Variants in ABCC3 observed in about 807,000 individuals in gnomAD.
ABCC3 encodes ATP binding cassette subfamily C member 3, also known as ATP-binding cassette sub-family C member 3.
In ABCC3, 121 loss-of-function variants were observed where a neutral mutation model predicts 165.3. That is an observed-to-expected ratio of 0.73 (90% confidence interval 0.63 to 0.85). ABCC3 has a LOEUF of 0.85. Ranked by LOEUF, ABCC3 falls within the 40% of genes least tolerant of loss-of-function variation. The pLI is 0.00. For synonymous variants in ABCC3, 733 were observed against 810.1 expected (o/e 0.90, Z 1.62); for missense variants, 1,869 against 1,964.1 (o/e 0.95, Z 0.92).
At chr17:50,671,448 G>T (rs187199301) in intron 17 of ABCC3, among the ~76,000 whole-genome samples, 1 of 151,922 alleles carries the variant, frequency 6.6e-6, no homozygotes, top group African/African-American at 2.4e-5. Context: ...TCTATTTTCT[G>T]TTCCTAGGAA....
At chr17:50,688,141 C>T (rs1045274531) in intron 30 of ABCC3, among the ~76,000 whole-genome samples, 3 of 151,954 alleles carry the variant, frequency 2.0e-5, no homozygotes, top group Non-Finnish European at 4.4e-5. Context: ...AACTCCTGAC[C>T]TCAAGTGATC....
At chr17:50,659,397 A>T in intron 7 of ABCC3, 29 bp downstream of exon 7, 2 of 1,591,062 alleles carry the variant, frequency 1.3e-6, no homozygotes, top group Non-Finnish European at 1.7e-6. Flanking sequence ...CCCAACACCC[A>T]GCCCCTTCGC....
In ABCC3 at chr17:50,657,156, C is replaced by T. The variant is rs771283742; in HGVS notation, c.459C>T (p.Arg153=). ...TGGTCTGCGCCATCGTCCCATTCCG[C>T]TCCAAGATCCTTTTAGCCAAGGCAG... The part of the protein sequence containing the change: ...LCVVCAIVPF[R]SKILLAKAEG... The change falls in exon 4 of 31, where the codon CGC becomes CGT. Residue 153 remains arginine (R), a synonymous_variant. Coordinates refer to ENST00000285238, the MANE Select transcript of ABCC3 (RefSeq NM_003786.4). 1 of 1,614,144 alleles carries T rather than the reference C, an allele frequency of 6.2e-7. No homozygotes were observed. Among genetic ancestry groups the T allele is most frequent in the Admixed American group, 1.7e-5 (1 of 60,016 alleles).
chr17:50,662,945 G>A (rs894813800), intron 8 of ABCC3, among the ~76,000 whole-genome samples: 2 of 152,098 alleles, frequency 1.3e-5, no homozygotes, highest in African/African-American at 2.4e-5. Flanking sequence ...GAAGCTCAGC[G>A]GCAAAGGGGG....
intron 29 of ABCC3, among the ~76,000 whole-genome samples, 194 bp downstream of exon 29, chr17:50,685,069 C>G (rs1159336673): frequency 1.3e-5 from 2 of 152,168 alleles, no homozygotes; most frequent in Non-Finnish European, 2.9e-5. Context: ...CAAGCCCCAG[C>G]GGTGGTCCAT....
chr17:50,673,803 T>A (rs12451302), intron 19 of ABCC3, 145 bp downstream of exon 19: 1 of 733,524 alleles, frequency 1.4e-6, no homozygotes, highest in Non-Finnish European at 2.2e-6. Context: ...TCACCAGAGG[T>A]AAAGTAAACT....
chr17:50,676,622 G>T, intron 23 of ABCC3, 34 bp downstream of exon 23: 1 of 1,223,346 alleles, frequency 8.2e-7, no homozygotes, highest in South Asian at 1.3e-5. Flanking sequence ...TGTGGGCGTG[G>T]TGTTATTGGG....
intron 5 of ABCC3, 51 bp downstream of exon 5, chr17:50,658,258 A>G (rs1175464253): frequency 1.2e-6 from 2 of 1,613,254 alleles, no homozygotes; most frequent in Non-Finnish European, 1.7e-6. Flanking sequence ...TCCTCAGCCC[A>G]ACTCTGACCA....
Position 50,687,411 on chromosome 17 carries a change from A to T in ABCC3, c.4281-125A>T, listed in dbSNP as rs985235301. ...CCGTTCTGGAGGGCTGGGCTGTGGC[A>T]GAAATGGGAGAAGTCAGACAGAAAA... On this transcript the variant is annotated intron_variant, in intron 29 of 30. Transcript: ENST00000285238. 49 of 906,376 alleles carry T rather than the reference A, an allele frequency of 5.4e-5. No homozygotes were observed. In the African/African-American group the frequency reaches 6.1e-4, roughly 11 times the overall value. The allele number at this position is 906,376 out of a possible 1,614,324, so 56.1% of individuals were successfully genotyped here.
At chr17:50,667,464 T>C (rs776804576) in intron 11 of ABCC3, 90 bp from the exon 12 acceptor site, 68 of 1,168,178 alleles carry the variant, frequency 5.8e-5, no homozygotes, top group Middle Eastern at 2.8e-4. Flanking sequence ...ATGGCTGCAA[T>C]GGATGAGAAT....
intron 1 of ABCC3, among the ~76,000 whole-genome samples, chr17:50,644,310 CAAAAA>C (rs57937379): frequency 3.9e-5 from 2 of 51,264 alleles, no homozygotes; most frequent in African/African-American, 1.5e-4. Flanking sequence ...GACTCCGTCT[CAAAAA>C]AAAAAAAAAA....
intron 30 of ABCC3, among the ~76,000 whole-genome samples, chr17:50,690,186 G>T (rs192149850): frequency 5.1e-4 from 78 of 152,328 alleles, no homozygotes; most frequent in Non-Finnish European, 2.4e-4. Flanking sequence ...AGGCTGGAGT[G>T]CGTGGGAGGG....
At position 50,647,288 on chromosome 17, in the gene ABCC3, G is replaced by A. The variant is rs949738777; in HGVS notation, c.46-8544G>A. 3.9e-5 allele frequency among the ~76,000 whole-genome samples: 6 copies of A among 152,344 alleles called. No individual in the cohort carries two copies. The East Asian group carries it at 1.2e-3, about 29-fold the overall frequency. Reference sequence around the variant, plus strand: ...CTATGCTTCCATCAAGAATCAATAGGACCTATGTCCCTACAGGTGTCAGGG... The same window carrying A: ...CTATGCTTCCATCAAGAATCAATAGAACCTATGTCCCTACAGGTGTCAGGG... On this transcript the variant is annotated intron_variant, in intron 1 of 30. Coordinates refer to ENST00000285238, the MANE Select transcript of ABCC3 (RefSeq NM_003786.4).
At chr17:50,689,249 C>G (rs972881443) in intron 30 of ABCC3, among the ~76,000 whole-genome samples, 2 of 152,226 alleles carry the variant, frequency 1.3e-5, no homozygotes, top group Non-Finnish European at 2.9e-5. Context: ...ATGACAGTGT[C>G]CTCCCCAGCC....
chr17:50,635,304 C>T, intron 1 of ABCC3: 1 of 627,620 alleles, frequency 1.6e-6, no homozygotes, highest in East Asian at 2.7e-5. Context: ...CATCCCAGCC[C>T]CTCCGTCGGG....
At chr17:50,673,998 C>T (rs1444277176) in intron 19 of ABCC3, among the ~76,000 whole-genome samples, 1,329 of 6,822 alleles carry the variant, frequency 0.19, 342 homozygotes, top group Non-Finnish European at 0.23. Context: ...CTCTCTCTCT[C>T]TCTCTCTCTC....
In ABCC3 at chr17:50,690,682, A is replaced by T. The variant is rs150179892; in HGVS notation, c.4476-410A>T. On this transcript the variant is annotated intron_variant, in intron 30 of 30. Coordinates refer to ENST00000285238, the MANE Select transcript of ABCC3 (RefSeq NM_003786.4). ...ATTTGCAGCCCAAGCCCCAGATTCCAGTGTCAGCCTCGCTGCAGCTGGTTT... is the reference window on the plus strand; with the variant it reads ...ATTTGCAGCCCAAGCCCCAGATTCCTGTGTCAGCCTCGCTGCAGCTGGTTT... Among the ~76,000 whole-genome samples the T allele has an allele frequency of 1.2e-4, 18 of 152,266 alleles. No individual in the cohort carries two copies. The East Asian group carries it at 3.1e-3, about 26-fold the overall frequency.
At chr17:50,652,614 C>G (rs773400332) in intron 1 of ABCC3, among the ~76,000 whole-genome samples, 20 of 152,114 alleles carry the variant, frequency 1.3e-4, no homozygotes, top group Admixed American at 7.2e-4. Context: ...TTAAGTTGTC[C>G]TCAGCAAAGT....
At chr17:50,679,749 C>T (rs367903128) in intron 25 of ABCC3, 49 bp from the exon 26 acceptor site, 696 of 1,533,258 alleles carry the variant, frequency 4.5e-4, no homozygotes, top group Non-Finnish European at 4.6e-4. Context: ...AAAGCCATTA[C>T]GGTGGGGAGG....
Sources: gnomAD v4.1 joint callset for allele counts (sites outside exome capture counted in the v4.1 genomes callset) on GRCh38, gnomAD v4.1.1 for gene constraint, MANE v1.5 for transcripts, NCBI Gene and HGNC (gene_info 2026-07-23, HGNC 2026-07-21) for gene names.